Variants in GPC5 observed in about 807,000 individuals in gnomAD.
GPC5 encodes the protein glypican-5.
Under a neutral mutation model 53.9 loss-of-function variants are expected in GPC5, and 47 were observed. That is an observed-to-expected ratio of 0.87 (90% CI 0.69 to 1.11). GPC5 has a LOEUF of 1.11. Ranked by LOEUF, GPC5 falls within the 50% of genes most tolerant of loss-of-function variation. GPC5 has a pLI of 0.00. For synonymous variants in GPC5, 286 were observed against 263.3 expected (o/e 1.09, Z -0.84); for missense variants, 748 against 713.1 (o/e 1.05, Z -0.56).
chr13:92,064,764 A>AAACAAAAC lies in GPC5; in HGVS notation c.1402-80064_1402-80063insCAAAACAA, dbSNP rs371962452. Reference sequence around the variant, plus strand: ...AGAGCGAGACTCCGTCTCAAAAAAAAAAAACAAAACAAAACTCAGAGGCAA... The same window carrying AAACAAAAC: ...AGAGCGAGACTCCGTCTCAAAAAAAAAACAAAACAAAACAAAACAAAACTCAGAGGCAA... On this transcript the variant is annotated intron_variant, in intron 6 of 7. Transcript: ENST00000377067. 2.0e-3 allele frequency among the ~76,000 whole-genome samples: 275 copies of AAACAAAAC among 138,464 alleles called. 8 individuals carry two copies. Among genetic ancestry groups the AAACAAAAC allele is most frequent in the African/African-American group, 5.1e-3 (199 of 38,824 alleles). The allele number at this position is 138,464 out of a possible 152,430, so 90.8% of individuals were successfully genotyped here.
chr13:92,346,029 A>T (rs918705488), intron 7 of GPC5, among the ~76,000 whole-genome samples: 17 of 152,090 alleles, frequency 1.1e-4, no homozygotes, highest in Non-Finnish European at 2.4e-4. Flanking sequence ...TAATCTCCAT[A>T]CTTTGCCTCA....
chr13:91,633,511 G>A (rs1033782733), intron 2 of GPC5, among the ~76,000 whole-genome samples: 1 of 152,076 alleles, frequency 6.6e-6, no homozygotes, highest in African/African-American at 2.4e-5. Flanking sequence ...TTCTTAAATG[G>A]TGAGAAACAT....
intron 6 of GPC5, among the ~76,000 whole-genome samples, chr13:92,013,556 T>C (rs986904770): frequency 5.3e-5 from 8 of 152,120 alleles, no homozygotes; most frequent in African/African-American, 1.9e-4. Flanking sequence ...AAGGAACCAA[T>C]TGGGAGAGAG....
At chr13:92,330,901 A>G (rs2043283713) in intron 7 of GPC5, among the ~76,000 whole-genome samples, 1 of 152,132 alleles carries the variant, frequency 6.6e-6, no homozygotes, top group Non-Finnish European at 1.5e-5. Context: ...TGCTTTCAGA[A>G]CAATAACCTG....
intron 7 of GPC5, among the ~76,000 whole-genome samples, chr13:92,231,725 T>G (rs1342368760): frequency 6.6e-6 from 1 of 152,026 alleles, no homozygotes; most frequent in Non-Finnish European, 1.5e-5. Context: ...CCCAGCACTT[T>G]GGGAAGCTGA....
In GPC5 at chr13:92,315,382, A is replaced by G. The variant is rs936094439; in HGVS notation, c.1561+170393A>G. On this transcript the variant is annotated intron_variant, in intron 7 of 7. Coordinates refer to ENST00000377067, the MANE Select transcript of GPC5 (RefSeq NM_004466.6). Reference sequence around the variant, plus strand: ...GGTAAGGACACCCTCTCAAGTTTCAATTTTAGCTACTTTAGAAACTCTACC... The same window carrying G: ...GGTAAGGACACCCTCTCAAGTTTCAGTTTTAGCTACTTTAGAAACTCTACC... 2.0e-5 allele frequency among the ~76,000 whole-genome samples: 3 copies of G among 152,094 alleles called. No homozygotes were observed. In the South Asian group the frequency reaches 6.2e-4, roughly 31 times the overall value.
intron 6 of GPC5, among the ~76,000 whole-genome samples, chr13:91,940,124 AC>A (rs1199147599): frequency 2.0e-5 from 3 of 151,988 alleles, no homozygotes; most frequent in Non-Finnish European, 2.9e-5. Flanking sequence ...TTCTTTCTTA[AC>A]CCTGTGCTGC....
At chr13:92,694,633 A>T (rs1005367331) in intron 7 of GPC5, among the ~76,000 whole-genome samples, 18 of 152,318 alleles carry the variant, frequency 1.2e-4, no homozygotes, top group Admixed American at 1.2e-3. Flanking sequence ...CCCACATTGC[A>T]TCCTAGAAGT....
intron 7 of GPC5, among the ~76,000 whole-genome samples, chr13:92,827,083 T>A (rs928496971): frequency 2.0e-5 from 3 of 152,110 alleles, no homozygotes; most frequent in Non-Finnish European, 2.9e-5. Context: ...GAGGTTATCA[T>A]TTGAGTAAAA....
At chr13:92,156,232 T>G (rs1360267217) in intron 7 of GPC5, among the ~76,000 whole-genome samples, 1 of 152,174 alleles carries the variant, frequency 6.6e-6, no homozygotes, top group Non-Finnish European at 1.5e-5. Flanking sequence ...CTCTTGTATG[T>G]GGAATCCCCT....
At chr13:92,640,918 G>C (rs937045938) in intron 7 of GPC5, among the ~76,000 whole-genome samples, 1 of 143,720 alleles carries the variant, frequency 7.0e-6, no homozygotes, top group African/African-American at 2.6e-5. Context: ...AGGGGAAATA[G>C]AACGTTACTT....
At chr13:92,720,342 A>T (rs1346420813) in intron 7 of GPC5, among the ~76,000 whole-genome samples, 1 of 152,176 alleles carries the variant, frequency 6.6e-6, no homozygotes, top group Non-Finnish European at 1.5e-5. Flanking sequence ...ATAAAGGTTT[A>T]AAAAGGTTTT....
chr13:92,238,359 A>G (rs2042585454), intron 7 of GPC5, among the ~76,000 whole-genome samples: 2 of 151,962 alleles, frequency 1.3e-5, no homozygotes, highest in Non-Finnish European at 2.9e-5. Context: ...ACCAATACTT[A>G]TCAATACTTA....
At chr13:92,594,300 G>A (rs1291825131) in intron 7 of GPC5, among the ~76,000 whole-genome samples, 1 of 152,156 alleles carries the variant, frequency 6.6e-6, no homozygotes, top group South Asian at 2.1e-4. Flanking sequence ...GCACGGGACT[G>A]TCACTCTCTG....
intron 5 of GPC5, among the ~76,000 whole-genome samples, chr13:91,837,815 G>A (rs1175113549): frequency 6.6e-6 from 1 of 152,136 alleles, no homozygotes; most frequent in Non-Finnish European, 1.5e-5. Context: ...TCCCAGGATT[G>A]AAAGTCTGAA....
chr13:92,838,490 A>C (rs200574691), intron 7 of GPC5, among the ~76,000 whole-genome samples: 14,197 of 148,530 alleles, frequency 0.096, 1,180 homozygotes, highest in African/African-American at 0.22. Flanking sequence ...GCCCCCCCCA[A>C]AAAAAAAAAG....
intron 7 of GPC5, among the ~76,000 whole-genome samples, chr13:92,691,467 G>T (rs1413710744): frequency 6.7e-6 from 1 of 149,026 alleles, no homozygotes; most frequent in Non-Finnish European, 1.5e-5. Flanking sequence ...CCACTGTCTG[G>T]CACTCCCTAG....
At chr13:92,396,868 C>A (rs962990270) in intron 7 of GPC5, among the ~76,000 whole-genome samples, 1 of 152,148 alleles carries the variant, frequency 6.6e-6, no homozygotes, top group Non-Finnish European at 1.5e-5. Context: ...TTTGAATAAT[C>A]TGATGGGAGC....
At chr13:91,973,456 T>C (rs2040264477) in intron 6 of GPC5, among the ~76,000 whole-genome samples, 1 of 152,232 alleles carries the variant, frequency 6.6e-6, no homozygotes, top group Admixed American at 6.5e-5. Flanking sequence ...TGGAGCCTTC[T>C]TCTCTCAACT....
Sources: allele counts gnomAD v4.1 joint callset (sites outside exome capture counted in the v4.1 genomes callset), GRCh38; gene constraint gnomAD v4.1.1; transcripts MANE v1.5; gene names NCBI Gene and HGNC (gene_info 2026-07-23, HGNC 2026-07-21).